Variants in NRXN1 observed in about 807,000 individuals in gnomAD.
NRXN1 encodes the protein neurexin 1.
Under a neutral mutation model 150.9 loss-of-function variants are expected in NRXN1, and 39 were observed. The observed-to-expected ratio is 0.26, with a 90% CI of 0.20 to 0.34. The LOEUF is 0.34. NRXN1 is among the 10% of genes least tolerant of loss of function. The pLI is 1.00. For synonymous variants in NRXN1, 924 were observed against 757.0 expected (o/e 1.22, Z -3.62); for missense variants, 1,815 against 1,949.9 (o/e 0.93, Z 1.30).
chr2:50,088,063 G>A (rs1699046151), intron 19 of NRXN1, among the ~76,000 whole-genome samples: 2 of 152,050 alleles, frequency 1.3e-5, no homozygotes, highest in Admixed American at 1.3e-4. Flanking sequence ...GGTGGTAAAA[G>A]CTCTAATTTA....
intron 18 of NRXN1, among the ~76,000 whole-genome samples, chr2:50,103,647 T>C (rs1701269978): frequency 6.6e-6 from 1 of 152,030 alleles, no homozygotes; most frequent in African/African-American, 2.4e-5. Flanking sequence ...CGCGAAGTGC[T>C]CAAATTCAAG....
chr2:50,779,506 C>T (rs1040027979), intron 5 of NRXN1, among the ~76,000 whole-genome samples: 11 of 152,058 alleles, frequency 7.2e-5, no homozygotes, highest in African/African-American at 2.2e-4. Context: ...TGGTGGCTCA[C>T]GCCTGTAATC....
chr2:50,475,729 G>C (rs938894802), intron 15 of NRXN1, among the ~76,000 whole-genome samples: 1 of 152,024 alleles, frequency 6.6e-6, no homozygotes, highest in African/African-American at 2.4e-5. Context: ...TAAACTCTTT[G>C]ATATAGCAAA....
intron 17 of NRXN1, among the ~76,000 whole-genome samples, chr2:50,318,469 C>G (rs139386423): frequency 6.6e-6 from 1 of 152,002 alleles, no homozygotes; most frequent in African/African-American, 2.4e-5. Flanking sequence ...TGTGCATGAT[C>G]CAGAGTCACA....
chr2:50,311,980 A>T (rs2075223372), intron 17 of NRXN1, among the ~76,000 whole-genome samples: 1 of 152,180 alleles, frequency 6.6e-6, no homozygotes, highest in Non-Finnish European at 1.5e-5. Flanking sequence ...TGGGGAATGA[A>T]TGGCAAAAAT....
intron 18 of NRXN1, among the ~76,000 whole-genome samples, chr2:50,098,986 T>A (rs1278463055): frequency 6.6e-6 from 1 of 151,806 alleles, no homozygotes; most frequent in Non-Finnish European, 1.5e-5. Context: ...AATACATTTT[T>A]AAAAAACAGC....
At chr2:50,300,955 C>G (rs2074093237) in intron 17 of NRXN1, among the ~76,000 whole-genome samples, 1 of 152,096 alleles carries the variant, frequency 6.6e-6, no homozygotes, top group Non-Finnish European at 1.5e-5. Flanking sequence ...CTTGGCTTCC[C>G]AAAGTGTTGG....
At chr2:50,934,897 C>T (rs1688290530) in intron 2 of NRXN1, among the ~76,000 whole-genome samples, 2 of 152,198 alleles carry the variant, frequency 1.3e-5, no homozygotes, top group East Asian at 3.9e-4. Context: ...AAACTCTGGA[C>T]AATTATTACT....
rs1055272525 is a variant in NRXN1 at position 50,199,926 on chromosome 2, T to A, written c.3546+36863A>T. Among the ~76,000 whole-genome samples, 4 of 152,176 alleles carry A rather than the reference T, an allele frequency of 2.6e-5. No homozygotes were observed. In the South Asian group the frequency reaches 8.3e-4, roughly 32 times the overall value. ...GATATATAGAACACTACAATTTTAT[T>A]ACTATTTCTGGACAAATTTTCCTAA... On this transcript the variant is annotated intron_variant, in intron 18 of 22. Transcript: ENST00000401669.
At chr2:50,244,670 AG>A (rs914863553) in intron 17 of NRXN1, among the ~76,000 whole-genome samples, 8 of 151,908 alleles carry the variant, frequency 5.3e-5, no homozygotes, top group Non-Finnish European at 1.5e-5. Context: ...GTGAGATGTC[AG>A]AAAAATGGTG....
intron 5 of NRXN1, among the ~76,000 whole-genome samples, chr2:50,703,071 C>G (rs1693976546): frequency 6.6e-6 from 1 of 152,080 alleles, no homozygotes; most frequent in Admixed American, 6.6e-5. Context: ...AAATGTTTTG[C>G]TCAAGCACTC....
chr2:50,705,840 C>T (rs548514569), intron 5 of NRXN1, among the ~76,000 whole-genome samples: 2 of 151,652 alleles, frequency 1.3e-5, no homozygotes, highest in African/African-American at 2.4e-5. Context: ...GCCCATAGTG[C>T]GACCACACAT....
chr2:50,459,494 G>C (rs1338007845), intron 17 of NRXN1, among the ~76,000 whole-genome samples: 2 of 152,050 alleles, frequency 1.3e-5, no homozygotes, highest in African/African-American at 2.4e-5. Flanking sequence ...TGTGGTGTCT[G>C]CTGCTCCCTT....
At chr2:50,708,887 A>G (rs1559151894) in intron 5 of NRXN1, among the ~76,000 whole-genome samples, 1 of 152,200 alleles carries the variant, frequency 6.6e-6, no homozygotes, top group Non-Finnish European at 1.5e-5. Flanking sequence ...CCACTGTGTG[A>G]GCTTCCAGCC....
At chr2:50,556,292 C>A (rs1312746042) in intron 8 of NRXN1, among the ~76,000 whole-genome samples, 1 of 152,052 alleles carries the variant, frequency 6.6e-6, no homozygotes, top group African/African-American at 2.4e-5. Flanking sequence ...CATGTGTAAG[C>A]TATTTTTGCT....
intron 5 of NRXN1, among the ~76,000 whole-genome samples, chr2:50,659,049 C>A (rs1037652025): frequency 3.3e-5 from 5 of 152,004 alleles, no homozygotes; most frequent in Non-Finnish European, 7.4e-5. Context: ...CACCACCCAA[C>A]TTCTGCCCTC....
chr2:50,941,782 G>C (rs1367232759), intron 2 of NRXN1, among the ~76,000 whole-genome samples: 4 of 152,164 alleles, frequency 2.6e-5, no homozygotes, highest in Non-Finnish European at 5.9e-5. Flanking sequence ...TAAAAGTTTT[G>C]AAAATTTGCA....
At chr2:50,359,245 A>G (rs1006883950) in intron 17 of NRXN1, among the ~76,000 whole-genome samples, 1 of 152,070 alleles carries the variant, frequency 6.6e-6, no homozygotes, top group Non-Finnish European at 1.5e-5. Context: ...ACAAAACTGG[A>G]CGGCGAATGA....
chr2:49,928,973 A>G (rs578094156), intron 22 of NRXN1, among the ~76,000 whole-genome samples: 2 of 152,264 alleles, frequency 1.3e-5, no homozygotes, highest in South Asian at 4.1e-4. Flanking sequence ...AGATTTAGAA[A>G]GAACTTGGAA....
Sources: allele counts gnomAD v4.1 joint callset (sites outside exome capture counted in the v4.1 genomes callset), GRCh38; gene constraint gnomAD v4.1.1; transcripts MANE v1.5; gene names NCBI Gene and HGNC (gene_info 2026-07-23, HGNC 2026-07-21).